Variants in CEP128 observed in about 807,000 individuals in gnomAD.
CEP128 encodes the protein centrosomal protein 128kDa.
Under a neutral mutation model 156.7 loss-of-function variants are expected in CEP128, and 132 were observed. That is an observed-to-expected ratio of 0.84 (90% CI 0.73 to 0.97). CEP128 has a LOEUF of 0.97. CEP128 is among the 50% of genes least tolerant of loss of function. The pLI, the probability that CEP128 is intolerant of heterozygous loss-of-function variation, is 0.00. For synonymous variants in CEP128, 469 were observed against 448.9 expected (o/e 1.04, Z -0.57); for missense variants, 1,252 against 1,281.9 (o/e 0.98, Z 0.36).
chr14:80,497,231 A>T lies in CEP128; in HGVS notation c.*248T>A, dbSNP rs963406187. ...AAAGGAAAATACAAAGTGAAAAAAT[A>T]TCATTCTTTCTGTGCTAGTATAAGT... is the stretch of plus-strand genomic sequence containing the variant. On this transcript the variant is annotated 3_prime_UTR_variant, in exon 25 of 25. Transcript: ENST00000555265. The T allele has an allele frequency of 1.7e-5, 5 of 294,674 alleles. No homozygotes were observed. The highest frequency in any genetic ancestry group is 1.6e-4 in the Admixed American group (3 of 19,348). 18.3% of individuals were successfully genotyped at this position (294,674 alleles called of 1,614,324 possible).
chr14:80,748,298 C>G (rs1419292580), intron 18 of CEP128, among the ~76,000 whole-genome samples: 1 of 152,132 alleles, frequency 6.6e-6, no homozygotes, highest in Non-Finnish European at 1.5e-5. Flanking sequence ...AAAAAGCTTC[C>G]ATAGGACAGA....
chr14:80,797,275 C>T (rs946078670), intron 13 of CEP128, among the ~76,000 whole-genome samples: 5 of 152,104 alleles, frequency 3.3e-5, no homozygotes, highest in African/African-American at 7.2e-5. Context: ...TTAAAAACTG[C>T]GGACTCTTAT....
At chr14:80,843,315 A>G (rs2140092236) in intron 9 of CEP128, among the ~76,000 whole-genome samples, 1 of 152,150 alleles carries the variant, frequency 6.6e-6, no homozygotes, top group East Asian at 1.9e-4. Context: ...GTCCAATGAA[A>G]TTTCCGGAGA....
intron 12 of CEP128, among the ~76,000 whole-genome samples, chr14:80,832,869 T>C (rs573239726): frequency 4.6e-5 from 7 of 152,262 alleles, no homozygotes; most frequent in South Asian, 4.1e-4. Flanking sequence ...TAGAAGAATT[T>C]ATCCTACAAA....
At chr14:80,626,417 T>C (rs375036953) in intron 19 of CEP128, among the ~76,000 whole-genome samples, 10 of 141,474 alleles carry the variant, frequency 7.1e-5, no homozygotes, top group African/African-American at 2.4e-4. Context: ...TGAGCCGAGA[T>C]TGCGCCACTG....
chr14:80,595,853 G>C (rs1339698004), intron 19 of CEP128, among the ~76,000 whole-genome samples: 2 of 152,108 alleles, frequency 1.3e-5, no homozygotes, highest in African/African-American at 2.4e-5. Flanking sequence ...GCAGGCAAGA[G>C]AGTTTGTGTA....
chr14:80,848,919 C>CA (rs35574896), intron 9 of CEP128, among the ~76,000 whole-genome samples: 14,548 of 141,030 alleles, frequency 0.1, 997 homozygotes, highest in Non-Finnish European at 0.15. Context: ...GAGACTGTCT[C>CA]AAAAAAAAAA....
At chr14:80,700,412 C>T (rs1476461970) in intron 19 of CEP128, among the ~76,000 whole-genome samples, 2 of 151,696 alleles carry the variant, frequency 1.3e-5, no homozygotes, top group Admixed American at 6.6e-5. Flanking sequence ...AGGGAAGATG[C>T]GCGTCATTAA....
At chr14:80,894,303 G>T (rs2139388684) in intron 8 of CEP128, among the ~76,000 whole-genome samples, 1 of 152,090 alleles carries the variant, frequency 6.6e-6, no homozygotes, top group South Asian at 2.1e-4. Flanking sequence ...ATATTACTTA[G>T]TAAGTTAAAG....
intron 19 of CEP128, among the ~76,000 whole-genome samples, chr14:80,730,177 G>A (rs1025794469): frequency 2.6e-5 from 4 of 152,046 alleles, no homozygotes; most frequent in Non-Finnish European, 4.4e-5. Context: ...CATAATCATT[G>A]GCATTTCATT....
chr14:80,775,634 T>C (rs1900747122), intron 16 of CEP128, among the ~76,000 whole-genome samples: 1 of 152,226 alleles, frequency 6.6e-6, no homozygotes, highest in African/African-American at 2.4e-5. Context: ...ACAACAAACA[T>C]GTATCTTATC....
chr14:80,562,014 G>C (rs991451890), intron 20 of CEP128, among the ~76,000 whole-genome samples: 1 of 151,152 alleles, frequency 6.6e-6, no homozygotes, highest in Non-Finnish European at 1.5e-5. Flanking sequence ...TGCAAGCTCC[G>C]CCTCCCAAGT....
At chr14:80,652,573 A>C (rs1894954795) in intron 19 of CEP128, among the ~76,000 whole-genome samples, 1 of 152,226 alleles carries the variant, frequency 6.6e-6, no homozygotes, top group African/African-American at 2.4e-5. Flanking sequence ...TTATGCAGCC[A>C]ACAAACATGA....
intron 3 of CEP128, among the ~76,000 whole-genome samples, chr14:80,916,142 G>A (rs542882028): frequency 6.6e-6 from 1 of 152,346 alleles, no homozygotes; most frequent in South Asian, 2.1e-4. Context: ...GCAGCCTCTA[G>A]AAACCAGAGA....
rs1594842097 is a variant in CEP128, at chr14:80,915,484, G to A, written c.147+917C>T. On this transcript the variant is annotated intron_variant, in intron 3 of 24. Coordinates refer to ENST00000555265, the MANE Select transcript of CEP128 (RefSeq NM_152446.5). Reference sequence around the variant, plus strand: ...TAGCCAGGCTAAGGCAAAGGTAAGGGATTAATGCGTAGGAAATACCTTATA... The same window carrying A: ...TAGCCAGGCTAAGGCAAAGGTAAGGAATTAATGCGTAGGAAATACCTTATA... Among the ~76,000 whole-genome samples the A allele has an allele frequency of 3.3e-5, 5 of 152,198 alleles. No individual in the cohort carries two copies. In the South Asian group the frequency reaches 8.3e-4, roughly 25 times the overall value.
At chr14:80,860,424 T>C (rs1390878330) in intron 9 of CEP128, among the ~76,000 whole-genome samples, 1 of 152,218 alleles carries the variant, frequency 6.6e-6, no homozygotes, top group African/African-American at 2.4e-5. Context: ...GGCTCTGGTA[T>C]CTTAAGAAAA....
At chr14:80,756,199 T>G (rs112428328) in intron 18 of CEP128, among the ~76,000 whole-genome samples, 8 of 152,332 alleles carry the variant, frequency 5.3e-5, no homozygotes, top group African/African-American at 1.7e-4. Flanking sequence ...CCTATTCAGG[T>G]GGCATAAATA....
At chr14:80,828,711 A>AGGAATTATTT (rs1470117342) in intron 13 of CEP128, among the ~76,000 whole-genome samples, 2 of 152,194 alleles carry the variant, frequency 1.3e-5, no homozygotes, top group African/African-American at 2.4e-5. Context: ...TTATTTGACA[A>AGGAATTATTT]GACCACATAT....
intron 20 of CEP128, among the ~76,000 whole-genome samples, chr14:80,575,728 CAA>C (rs1891326655): frequency 6.6e-6 from 1 of 152,158 alleles, no homozygotes; most frequent in African/African-American, 2.4e-5. Flanking sequence ...CTAATCCTCT[CAA>C]GAGTCCTATG....
Sources: allele counts gnomAD v4.1 joint callset (sites outside exome capture counted in the v4.1 genomes callset), GRCh38; gene constraint gnomAD v4.1.1; transcripts MANE v1.5; gene names NCBI Gene and HGNC (gene_info 2026-07-23, HGNC 2026-07-21).